The following CLVS1 variants were observed in gnomAD, a reference collection of about 807,000 sequenced individuals.
CLVS1 encodes clavesin 1.
A neutral mutation model predicts 33.1 loss-of-function variants in CLVS1; 10 were observed. The observed-to-expected ratio is 0.30, with a 90% CI of 0.19 to 0.51. The LOEUF is 0.51. Ranked by LOEUF, CLVS1 falls within the 20% of genes least tolerant of loss-of-function variation. The probability of loss-of-function intolerance (pLI) is 0.97; values close to 1 mark genes in which losing one functional copy is unlikely to be tolerated. For missense variants in CLVS1, 343 were observed against 433.4 expected, an observed-to-expected ratio of 0.79 and a Z score of 1.85; for synonymous variants, 163 against 166.1, an observed-to-expected ratio of 0.98 and a Z score of 0.14.
intron 2 of CLVS1, among the ~76,000 whole-genome samples, chr8:61,372,260 G>T (rs1813473417): frequency 6.6e-6 from 1 of 152,178 alleles, no homozygotes; most frequent in Admixed American, 6.5e-5. Flanking sequence ...AGAAACTCTA[G>T]AAATGTCTTC....
At chr8:61,098,181 G>C (rs1485830517) in intron 1 of CLVS1, among the ~76,000 whole-genome samples, 2 of 152,024 alleles carry the variant, frequency 1.3e-5, no homozygotes, top group Non-Finnish European at 2.9e-5. Flanking sequence ...CAGAGAAAGA[G>C]AGCGAGCAAG....
At chr8:61,059,934 T>C (rs1395610556) in intron 1 of CLVS1, among the ~76,000 whole-genome samples, 1 of 152,186 alleles carries the variant, frequency 6.6e-6, no homozygotes, top group Non-Finnish European at 1.5e-5. Flanking sequence ...ATGCTACTTC[T>C]GCCTTCAGTC....
intron 1 of CLVS1, among the ~76,000 whole-genome samples, chr8:61,078,158 C>T (rs905549118): frequency 6.6e-6 from 1 of 152,192 alleles, no homozygotes; most frequent in Non-Finnish European, 1.5e-5. Context: ...GCGCATGAGG[C>T]AGCTGATAAA....
chr8:61,458,565 C>CG, intron 5 of CLVS1, 23 bp downstream of exon 5: 1 of 1,351,334 alleles, frequency 7.4e-7, no homozygotes, highest in Non-Finnish European at 9.5e-7. Flanking sequence ...TTATCAGAGC[C>CG]CCCCCCCCAG....
In CLVS1 at chr8:61,300,080, T is replaced by C. The variant is rs777295607; in HGVS notation, c.253T>C (p.Phe85Leu). The part of the protein sequence containing the change: ...FILRFLRARK[F>L]HQADAFRLLA... ...CCTGAGATTTCTCCGAGCCAGGAAG[T>C]TTCACCAAGCGGATGCCTTTAGACT... The change falls in exon 2 of 6, where the codon TTT becomes CTT. Residue 85 changes from phenylalanine to leucine, a missense_variant. Coordinates refer to ENST00000325897, the MANE Select transcript of CLVS1 (RefSeq NM_173519.3). The C allele has an allele frequency of 6.2e-7, 1 of 1,613,834 alleles. No homozygotes were observed. Among genetic ancestry groups the C allele is most frequent in the Non-Finnish European group, 8.5e-7 (1 of 1,179,960 alleles).
chr8:61,093,305 C>A (rs184514473), intron 1 of CLVS1, among the ~76,000 whole-genome samples: 1 of 152,242 alleles, frequency 6.6e-6, no homozygotes, highest in East Asian at 1.9e-4. Context: ...TGATTAGAGC[C>A]ATTCTCCTTA....
chr8:61,380,791 C>T (rs1263940566), intron 3 of CLVS1, among the ~76,000 whole-genome samples: 1 of 152,158 alleles, frequency 6.6e-6, no homozygotes, highest in African/African-American at 2.4e-5. Context: ...AGCTTTGTGA[C>T]ATGTCCAAAA....
intron 1 of CLVS1, among the ~76,000 whole-genome samples, chr8:61,119,309 G>A (rs1160220367): frequency 6.6e-6 from 1 of 151,838 alleles, no homozygotes; most frequent in African/African-American, 2.4e-5. Flanking sequence ...ACACTGATGG[G>A]TCTTGACTCT....
chr8:61,387,336 A>T (rs529597359), intron 3 of CLVS1, among the ~76,000 whole-genome samples: 30 of 152,254 alleles, frequency 2.0e-4, no homozygotes, highest in Admixed American at 1.6e-3. Context: ...GCAGTGAGCC[A>T]AGATCATGCC....
the CLVS1 span, among the ~76,000 whole-genome samples, chr8:61,011,308 A>AAT: frequency 3.1e-3 from 469 of 152,282 alleles, 2 homozygotes; most frequent in African/African-American, 0.01. Context: ...CTCAGGAAAT[A>AAT]ATAGTTAACT....
At chr8:61,438,209 T>C (rs1563553336) in intron 3 of CLVS1, among the ~76,000 whole-genome samples, 1 of 152,124 alleles carries the variant, frequency 6.6e-6, no homozygotes, top group Non-Finnish European at 1.5e-5. Context: ...CACCAGTGTG[T>C]GTTGGTCCCC....
chr8:61,186,066 C>T (rs1563436128), intron 2 of CLVS1, among the ~76,000 whole-genome samples: 1 of 152,134 alleles, frequency 6.6e-6, no homozygotes, highest in Non-Finnish European at 1.5e-5. Context: ...AGGATGCTTC[C>T]TACCTTCCAC....
intron 1 of CLVS1, among the ~76,000 whole-genome samples, chr8:61,063,284 A>AGAGAGG (rs1804616702): frequency 8.5e-6 from 1 of 117,420 alleles, no homozygotes; most frequent in African/African-American, 4.5e-5. Context: ...AGAGAGAGAG[A>AGAGAGG]GAGAGAGAGA....
intron 2 of CLVS1, among the ~76,000 whole-genome samples, chr8:61,193,083 C>A (rs574071751): frequency 2.4e-4 from 37 of 152,216 alleles, no homozygotes; most frequent in Non-Finnish European, 4.1e-4. Flanking sequence ...ATGTTTACTG[C>A]GGCACTATTC....
At chr8:61,329,050 C>A (rs1428667455) in intron 2 of CLVS1, among the ~76,000 whole-genome samples, 1 of 152,156 alleles carries the variant, frequency 6.6e-6, no homozygotes, top group East Asian at 1.9e-4. Flanking sequence ...TTCTTCCCCT[C>A]TTTAACATTT....
chr8:61,430,300 A>G (rs1816062407), intron 3 of CLVS1, among the ~76,000 whole-genome samples: 1 of 152,224 alleles, frequency 6.6e-6, no homozygotes, highest in South Asian at 2.1e-4. Context: ...TTATGGAACC[A>G]TGTGGTAGTT....
intron 4 of CLVS1, among the ~76,000 whole-genome samples, chr8:61,457,824 G>A (rs1817221666): frequency 6.6e-6 from 1 of 152,180 alleles, no homozygotes; most frequent in Non-Finnish European, 1.5e-5. Context: ...ATTAATTAGA[G>A]GGTGGTTGGA....
At chr8:61,217,767 G>T (rs964465882) in intron 2 of CLVS1, among the ~76,000 whole-genome samples, 2 of 151,820 alleles carry the variant, frequency 1.3e-5, no homozygotes, top group African/African-American at 4.8e-5. Flanking sequence ...ATACAGCAGG[G>T]GATTAATATC....
At chr8:61,392,932 G>A (rs1814365666) in intron 3 of CLVS1, among the ~76,000 whole-genome samples, 1 of 152,042 alleles carries the variant, frequency 6.6e-6, no homozygotes, top group Non-Finnish European at 1.5e-5. Flanking sequence ...TGCCCAGGCT[G>A]GAGTGCAATT....
Sources: allele counts gnomAD v4.1 joint callset (sites outside exome capture counted in the v4.1 genomes callset), GRCh38; gene constraint gnomAD v4.1.1; transcripts MANE v1.5; gene names NCBI Gene and HGNC (gene_info 2026-07-23, HGNC 2026-07-21).